ITGB5: variants seen among roughly 807,000 people sequenced by gnomAD.
ITGB5 encodes the protein integrin subunit beta 5, also known as integrin beta-5.
In ITGB5, 38 loss-of-function variants were observed where a neutral mutation model predicts 84.8. The observed-to-expected ratio is 0.45, with a 90% CI of 0.35 to 0.59. The LOEUF (loss-of-function observed/expected upper bound fraction) is 0.59, where lower values mean the gene tolerates loss of function less well. Among genes scored for constraint, ITGB5 ranks in the 20% least tolerant of loss-of-function variants. The pLI, the probability that ITGB5 is intolerant of heterozygous loss-of-function variation, is 0.01. For missense variants in ITGB5, 905 were observed against 1,034.5 expected (o/e 0.87, Z 1.72); for synonymous variants, 393 against 414.4 (o/e 0.95, Z 0.63).
intron 10 of ITGB5, among the ~76,000 whole-genome samples, chr3:124,794,018 G>A (rs1008934587): frequency 1.3e-5 from 2 of 152,188 alleles, no homozygotes; most frequent in Non-Finnish European, 2.9e-5. Context: ...CCATAGGACG[G>A]AGTATCTGCA....
chr3:124,832,771 C>T (rs745957701), intron 5 of ITGB5: 35 of 152,208 alleles, frequency 2.3e-4, no homozygotes, highest in African/African-American at 8.4e-4. Context: ...GTACTCAAGA[C>T]GTTTTCAAAT....
At chr3:124,870,730 G>GAAA (rs1005362306) in intron 2 of ITGB5, among the ~76,000 whole-genome samples, 2 of 75,476 alleles carry the variant, frequency 2.6e-5, no homozygotes, top group Non-Finnish European at 2.9e-5. Context: ...CATCTCAAAA[G>GAAA]AAAAAAAAAA....
intron 2 of ITGB5, among the ~76,000 whole-genome samples, chr3:124,864,402 G>A (rs1395531275): frequency 2.0e-5 from 3 of 152,014 alleles, no homozygotes; most frequent in Middle Eastern, 3.4e-3. Context: ...CACCACATCC[G>A]GCCCCTCAAT....
chr3:124,809,251 T>C, intron 8 of ITGB5, 95 bp from the exon 9 acceptor site: 1 of 1,369,908 alleles, frequency 7.3e-7, no homozygotes, highest in Non-Finnish European at 1.0e-6. Flanking sequence ...TGGCTTCCTC[T>C]AACTCAGGAA....
intron 9 of ITGB5, among the ~76,000 whole-genome samples, chr3:124,805,147 CT>C: frequency 7.0e-6 from 1 of 143,258 alleles, no homozygotes; most frequent in Non-Finnish European, 1.5e-5. Context: ...CTCTCTCTCT[CT>C]CTTTCTTTCT....
chr3:124,805,956 T>C lies in ITGB5; in HGVS notation c.1263+3066A>G, dbSNP rs1396393641. On this transcript the variant is annotated intron_variant, in intron 9 of 14. Coordinates refer to ENST00000296181, the MANE Select transcript of ITGB5 (RefSeq NM_002213.5). Reference sequence around the variant, plus strand: ...ATCTTGGCTTTCCTGCTTTATAACATAAGCTGTTTTCTCCAGCTCTGCAGC... The same window carrying C: ...ATCTTGGCTTTCCTGCTTTATAACACAAGCTGTTTTCTCCAGCTCTGCAGC... Among the ~76,000 whole-genome samples, 4 of 152,214 alleles carry C rather than the reference T, an allele frequency of 2.6e-5. No homozygotes were observed. In the East Asian group the frequency reaches 7.7e-4, roughly 29 times the overall value.
At chr3:124,877,381 A>C (rs1419688688) in intron 1 of ITGB5, among the ~76,000 whole-genome samples, 3 of 152,110 alleles carry the variant, frequency 2.0e-5, no homozygotes, top group Non-Finnish European at 4.4e-5. Flanking sequence ...AAATCCCCGT[A>C]CCTGTCAGCA....
intron 3 of ITGB5, among the ~76,000 whole-genome samples, chr3:124,851,168 T>C (rs531415758): frequency 1.3e-5 from 2 of 152,252 alleles, no homozygotes; most frequent in African/African-American, 2.4e-5. Context: ...ATCTATGGGA[T>C]AGAGGCTTGG....
At chr3:124,797,182 C>T (rs997804709) in intron 9 of ITGB5, among the ~76,000 whole-genome samples, 1 of 152,224 alleles carries the variant, frequency 6.6e-6, no homozygotes, top group African/African-American at 2.4e-5. Context: ...CTTCCCAGCC[C>T]CGCTGCAGAT....
At chr3:124,811,657 A>G (rs569860827) in intron 8 of ITGB5, among the ~76,000 whole-genome samples, 4 of 152,344 alleles carry the variant, frequency 2.6e-5, no homozygotes, top group African/African-American at 7.2e-5. Context: ...TTAGATGGAA[A>G]TGGACTCTTA....
At chr3:124,879,086 G>A (rs903512971) in intron 1 of ITGB5, among the ~76,000 whole-genome samples, 2 of 152,126 alleles carry the variant, frequency 1.3e-5, no homozygotes, top group South Asian at 2.1e-4. Context: ...AGGAGCCACC[G>A]CATCCGGTTG....
At chr3:124,806,862 C>T (rs1489664934) in intron 9 of ITGB5, among the ~76,000 whole-genome samples, 1 of 151,622 alleles carries the variant, frequency 6.6e-6, no homozygotes, top group African/African-American at 2.4e-5. Flanking sequence ...AAATACATTG[C>T]AACTTCCTAC....
chr3:124,888,624 T>C (rs983909418), upstream of ITGB5, among the ~76,000 whole-genome samples: 1 of 152,234 alleles, frequency 6.6e-6, no homozygotes, highest in African/African-American at 2.4e-5. Context: ...CCGACAACCC[T>C]ACTGTTATCC....
intron 2 of ITGB5, among the ~76,000 whole-genome samples, chr3:124,865,924 A>G (rs1052010107): frequency 6.6e-6 from 1 of 152,174 alleles, no homozygotes; most frequent in Non-Finnish European, 1.5e-5. Flanking sequence ...TCACCCCATC[A>G]TCACTGTTAC....
chr3:124,889,461 G>A (rs745405466), upstream of ITGB5, among the ~76,000 whole-genome samples: 1 of 152,098 alleles, frequency 6.6e-6, no homozygotes, highest in African/African-American at 2.4e-5. Context: ...CTGTAACCCC[G>A]ACCACCTTGG....
chr3:124,773,741 C>T lies in ITGB5; in HGVS notation c.1865G>A (p.Gly622Glu). 6.2e-7 allele frequency: 1 copy of T among 1,612,712 alleles called. No individual in the cohort carries two copies. Among genetic ancestry groups the T allele is most frequent in the Non-Finnish European group, 8.5e-7 (1 of 1,180,032 alleles). Residue 622 changes from glycine (G) to glutamate (E), a missense_variant, in exon 11 of 15, where the codon GGG (glycine) becomes GAG (glutamate). Physicochemically the swap from Gly to Glu is moderately conservative, Grantham distance 98. Coordinates refer to ENST00000296181, the MANE Select transcript of ITGB5 (RefSeq NM_002213.5). The stretch of plus-strand genomic sequence containing the variant: ...GGTGGGGCACTTCTCACACATCTCC[C>T]CAAAGGCCCCCGGCTCCGTGCATTG... ...QCQCTEPGAFGEMCEKCPTCP... is the reference protein window; with the variant it reads ...QCQCTEPGAFEEMCEKCPTCP...
At position 124,809,087 on chromosome 3, in the gene ITGB5, T is replaced by C. The variant is rs1162717657; in HGVS notation, c.1198A>G (p.Thr400Ala). ...GGATAGGATACCCCATCTTGGCAGG[T>C]AGCAGTAAAGAAGAGATTAAGATCC... ...PEDLNLFFTA[T>A]CQDGVSYPGQ... is the part of the protein sequence containing the mutation. Residue 400 changes from threonine (T) to alanine (A), a missense_variant, in exon 9 of 15, where the codon ACC (threonine) becomes GCC (alanine). Transcript: ENST00000296181. 1.9e-6 allele frequency: 3 copies of C among 1,613,910 alleles called. No homozygotes were observed. Among genetic ancestry groups the C allele is most frequent in the East Asian group, 4.5e-5 (2 of 44,892 alleles).
chr3:124,785,427 C>T (rs1390515976), intron 10 of ITGB5, among the ~76,000 whole-genome samples: 3 of 151,802 alleles, frequency 2.0e-5, no homozygotes, highest in East Asian at 1.9e-4. Context: ...ACTAAAAATA[C>T]ACAAAAAATT....
intron 2 of ITGB5, 72 bp from the exon 3 acceptor site, chr3:124,859,518 T>A: frequency 8.3e-7 from 1 of 1,199,612 alleles, no homozygotes. Flanking sequence ...ATGTCGTGGC[T>A]GCGTCTCCAT....
Sources: allele counts gnomAD v4.1 joint callset (sites outside exome capture counted in the v4.1 genomes callset), GRCh38; gene constraint gnomAD v4.1.1; transcripts MANE v1.5; gene names NCBI Gene and HGNC (gene_info 2026-07-23, HGNC 2026-07-21).